Variants in LTBP3 observed in about 807,000 individuals in gnomAD.
LTBP3 encodes the protein latent transforming growth factor beta binding protein 3.
A neutral mutation model predicts 159.7 loss-of-function variants in LTBP3; 97 were observed. The ratio of observed to expected loss-of-function variants is 0.61; its 90% CI spans 0.52 to 0.72. LTBP3 has a LOEUF of 0.72. LTBP3 is among the 30% of genes least tolerant of loss of function. The pLI, the probability that LTBP3 is intolerant of heterozygous loss-of-function variation, is 0.00. For missense variants in LTBP3, 1,584 were observed against 1,864.3 expected, an observed-to-expected ratio of 0.85 and a Z score of 2.77; for synonymous variants, 824 against 777.1, an observed-to-expected ratio of 1.06 and a Z score of -1.00.
intron 18 of LTBP3, 101 bp from the exon 19 acceptor site, chr11:65,541,829 G>T: frequency 1.4e-6 from 2 of 1,396,960 alleles, no homozygotes; most frequent in Non-Finnish European, 2.0e-6. Flanking sequence ...TTCCACTTTG[G>T]TTTCAAAGTA....
chr11:65,554,068 C>T lies in LTBP3; in HGVS notation c.644G>A (p.Gly215Glu). ...CCTGGTACCTTCTGCTGAGATCTGTCCCGGGCCTAGGGGCACCAGGAAGGC... is the reference window on the plus strand; with the variant it reads ...CCTGGTACCTTCTGCTGAGATCTGTTCCGGGCCTAGGGGCACCAGGAAGGC... ...HAAFLVPLGP[G>E]QISAEVQAPP... is the part of the protein sequence containing the mutation. Residue 215 changes from glycine to glutamate, a missense_variant, in exon 2 of 28, where the codon GGA becomes GAA. Transcript: ENST00000301873. This position sits in a 1 kb window ranked among gnomAD's most constrained non-coding sequence, Gnocchi z 5.3. The T allele has an allele frequency of 5.6e-6, 9 of 1,604,578 alleles. No homozygotes were observed. Among genetic ancestry groups the T allele is most frequent in the Non-Finnish European group, 6.8e-6 (8 of 1,179,462 alleles).
chr11:65,550,818 G>C (rs1403839044), intron 11 of LTBP3, among the ~76,000 whole-genome samples: 2 of 152,010 alleles, frequency 1.3e-5, no homozygotes, highest in South Asian at 4.1e-4. Context: ...GCAAGACTCC[G>C]TCTCAAAAAA....
chr11:65,541,349 C>T, intron 19 of LTBP3, 56 bp from the exon 20 acceptor site: 1 of 1,585,100 alleles, frequency 6.3e-7, no homozygotes, highest in Non-Finnish European at 8.6e-7. Flanking sequence ...GCCCTGTCCA[C>T]CCTGCCCACC....
At position 65,540,026 on chromosome 11, in the gene LTBP3, G is replaced by A. The variant is rs891777322; in HGVS notation, c.3372C>T (p.Pro1124=). ...CCTCGCCCTCACCGGCCGGGCTCTC[G>A]GGGAGCTGGCAATCGCGGCCGGAGG... ...PGPSGRDCQL[P]ESPAERAPER... is the part of the protein sequence containing the mutation. The change falls in exon 24 of 28, where the codon CCC becomes CCT. Residue 1124 remains proline, a synonymous_variant. Transcript: ENST00000301873. The A allele has an allele frequency of 1.3e-5, 19 of 1,510,538 alleles. No individual in the cohort carries two copies. Among genetic ancestry groups the A allele is most frequent in the African/African-American group, 7.1e-5 (5 of 70,730 alleles). The allele number at this position is 1,510,538 out of a possible 1,614,324, so 93.6% of individuals were successfully genotyped here. A position where few individuals can be genotyped will look rare whatever the true frequency, so the allele number is the denominator to read the frequency against.
intron 1 of LTBP3, among the ~76,000 whole-genome samples, chr11:65,556,770 G>C (rs1286111688): frequency 6.6e-6 from 1 of 152,216 alleles, no homozygotes; most frequent in Non-Finnish European, 1.5e-5. Flanking sequence ...GAATGTGTAA[G>C]AGGGGCTGTT....
intron 21 of LTBP3, 49 bp from the exon 22 acceptor site, chr11:65,540,663 GAGGCGTGGGC>G: frequency 6.5e-7 from 1 of 1,547,462 alleles, no homozygotes; most frequent in Non-Finnish European, 8.7e-7. Context: ...CTGCAGCCCG[GAGGCGTGGGC>G]TGGGCGCACC....
rs746860727 is a variant in LTBP3, at chr11:65,552,819, A to G, written c.1186+41T>C. On this transcript the variant is annotated intron_variant, in intron 6 of 27. Transcript: ENST00000301873. The surrounding 1 kb of genome is among the most constrained non-coding windows in gnomAD (Gnocchi z 6.0). The stretch of plus-strand genomic sequence containing the variant: ...CGATCTCTGATCCTTGCTCCCACCC[A>G]TGCCTTGTGACCTCCCAGGAACCTG... The G allele has an allele frequency of 1.2e-5, 20 of 1,613,774 alleles. No individual in the cohort carries two copies. Among genetic ancestry groups the G allele is most frequent in the Admixed American group, 3.3e-5 (2 of 60,000 alleles).
At chr11:65,543,049 A>G in intron 18 of LTBP3, 56 bp downstream of exon 18, 2 of 1,609,338 alleles carry the variant, frequency 1.2e-6, no homozygotes, top group East Asian at 2.2e-5. Flanking sequence ...CAGTGTGTCT[A>G]GGGAATTACT....
rs934776751 is a variant in LTBP3, at chr11:65,554,507, A to G, written c.332-127T>C. 2 of 692,258 alleles carry G rather than the reference A, an allele frequency of 2.9e-6. No individual in the cohort carries two copies. Among genetic ancestry groups the G allele is most frequent in the Non-Finnish European group, 4.8e-6 (2 of 414,190 alleles). The allele number at this position is 692,258 out of a possible 1,614,324, so 42.9% of individuals were successfully genotyped here. On this transcript the variant is annotated intron_variant, in intron 1 of 27. Transcript: ENST00000301873. This position sits in a 1 kb window ranked among gnomAD's most constrained non-coding sequence, Gnocchi z 5.3. The stretch of plus-strand genomic sequence containing the variant: ...GTTTTGAGATACATCCTACATAGGG[A>G]AACTGCCCTCTCTAGGTTCCCCAAC...
At position 65,540,112 on chromosome 11, in the gene LTBP3, G is replaced by C. The variant is rs527555537; in HGVS notation, c.3286C>G (p.Arg1096Gly). ...CQDPAACRPG[R>G]CVNLPGSYRC... ...TAGGAGCCCGGCAGGTTGACGCAGC[G>C]GCCAGGGCGGCAGGCTGCCGGGTCC... Residue 1096 changes from arginine (R) to glycine (G), a missense_variant, in exon 24 of 28, where the codon CGC becomes GGC. Arg to Gly is a moderately radical substitution (Grantham distance 125, BLOSUM62 -2). Around this residue, in one of 6 missense-constraint regions of LTBP3, gnomAD observed 514 missense variants for 530.3 expected, o/e 0.97. Coordinates refer to ENST00000301873, the MANE Select transcript of LTBP3 (RefSeq NM_001130144.3). The C allele has an allele frequency of 9.0e-5, 138 of 1,526,518 alleles. No individual in the cohort carries two copies. In the African/African-American group the frequency reaches 1.6e-3, roughly 17 times the overall value. 94.6% of individuals were successfully genotyped at this position (1,526,518 alleles called of 1,614,324 possible). A position where few individuals can be genotyped will look rare whatever the true frequency, so the allele number is the denominator to read the frequency against.
intron 24 of LTBP3, 43 bp downstream of exon 24, chr11:65,539,970 G>A (rs915915394): frequency 1.4e-6 from 2 of 1,457,842 alleles, no homozygotes; most frequent in African/African-American, 1.5e-5. Flanking sequence ...GCCACGTGAC[G>A]GACAGGGCCC....
chr11:65,539,498 C>A (rs1286150622), intron 26 of LTBP3, 39 bp from the exon 27 acceptor site: 3 of 1,595,704 alleles, frequency 1.9e-6, no homozygotes. Flanking sequence ...AACACTGAGC[C>A]CCGGCCAAAG....
At chr11:65,542,884 G>A in intron 18 of LTBP3, 1 of 609,172 alleles carries the variant, frequency 1.6e-6, no homozygotes, top group East Asian at 3.1e-5. Flanking sequence ...CTGAGCAGAT[G>A]GATGGGTGGG....
Position 65,547,280 on chromosome 11 carries a change from G to C in LTBP3, c.2107+159C>G, listed in dbSNP as rs1856412616. On this transcript the variant is annotated intron_variant, in intron 14 of 27. Coordinates refer to ENST00000301873, the MANE Select transcript of LTBP3 (RefSeq NM_001130144.3). This position sits in a 1 kb window ranked among gnomAD's most constrained non-coding sequence, Gnocchi z 4.6. ...AATCGCTTGAACCCGGGAGGCGGAG[G>C]TTGCAGTGAGCCAAGATCTCACCAC... is the stretch of plus-strand genomic sequence containing the variant. Among the ~76,000 whole-genome samples, 1 of 151,896 alleles carries C rather than the reference G, an allele frequency of 6.6e-6. No individual in the cohort carries two copies. The highest frequency in any genetic ancestry group is 1.5e-5 in the Non-Finnish European group (1 of 67,952).
Position 65,546,686 on chromosome 11 carries a change from GC to G in LTBP3, c.2230+111del. On this transcript the variant is annotated intron_variant, in intron 15 of 27. Transcript: ENST00000301873. The surrounding 1 kb of genome is among the most constrained non-coding windows in gnomAD (Gnocchi z 4.0). ...AGAGGGCAGCCTCTACTCCCGGAAG[GC>G]CCCGCCCCCAGACGCCAATCACCAC... is the stretch of plus-strand genomic sequence containing the variant. 1 of 1,534,668 alleles carries G rather than the reference GC, an allele frequency of 6.5e-7. No homozygotes were observed. The highest frequency in any genetic ancestry group is 8.8e-7 in the Non-Finnish European group (1 of 1,141,808).
rs765178350 is a variant in LTBP3 at position 65,553,783 on chromosome 11, G to C, written c.782C>G (p.Pro261Arg). The change falls in exon 3 of 28, where the codon CCG (proline) becomes CGG (arginine). Residue 261 changes from proline (P) to arginine (R), a missense_variant. Pro to Arg is a moderately radical substitution (Grantham distance 103, BLOSUM62 -2). This residue lies in a region of LTBP3 where 194 missense variants were observed against 198.7 expected (regional missense o/e 0.98). Transcript: ENST00000301873. The surrounding 1 kb of genome is among the most constrained non-coding windows in gnomAD (Gnocchi z 6.5). ...CCGGGGGTGCGAGGGCTTGGGGTGC[G>C]GCAGCAGGTGCTGGGAGGGGGCTGC... ...ESAAPSQHLL[P>R]HPKPSHPRPP... 1.9e-6 allele frequency: 3 copies of C among 1,566,854 alleles called. No individual in the cohort carries two copies. Among genetic ancestry groups the C allele is most frequent in the African/African-American group, 2.7e-5 (2 of 74,310 alleles).
At chr11:65,548,777 A>G (rs1169295884) in intron 11 of LTBP3, 1 of 153,148 alleles carries the variant, frequency 6.5e-6, no homozygotes, top group African/African-American at 2.4e-5. Flanking sequence ...TCACCTGGCC[A>G]GTGGGCTTTG....
rs201489722 is a variant in LTBP3 at position 65,547,871 on chromosome 11, G to A, written c.1846+49C>T. 12 of 1,613,174 alleles carry A rather than the reference G, an allele frequency of 7.4e-6. No homozygotes were observed. In the African/African-American group the frequency reaches 1.1e-4, roughly 14 times the overall value. ...AAAGTCAAAGGAAGCGTCGTTATCTGGGGTCCCCCCCCACCCACCTGCATG... is the reference window on the plus strand; with the variant it reads ...AAAGTCAAAGGAAGCGTCGTTATCTAGGGTCCCCCCCCACCCACCTGCATG... On this transcript the variant is annotated intron_variant, in intron 12 of 27. Transcript: ENST00000301873. This position sits in a 1 kb window ranked among gnomAD's most constrained non-coding sequence, Gnocchi z 4.6.
rs1590773560 is a variant in LTBP3 at position 65,547,571 on chromosome 11, T to A, written c.1979-4A>T. 6.2e-7 allele frequency: 1 copy of A among 1,613,456 alleles called. No individual in the cohort carries two copies. The highest frequency in any genetic ancestry group is 2.2e-5 in the East Asian group (1 of 44,824). ...GGCTTGGCGCATTCGTTCAGGTCTG[T>A]GCGGGAGGAAGGGGCCACGAAGGGG... On this transcript the variant is annotated splice_region_variant and splice_polypyrimidine_tract_variant and intron_variant, in intron 13 of 27. Coordinates refer to ENST00000301873, the MANE Select transcript of LTBP3 (RefSeq NM_001130144.3). The surrounding 1 kb of genome is among the most constrained non-coding windows in gnomAD (Gnocchi z 4.6).
Sources: allele counts gnomAD v4.1 joint callset (sites outside exome capture counted in the v4.1 genomes callset), GRCh38; gene constraint gnomAD v4.1.1; regional missense constraint gnomAD v4.1.1; non-coding constraint Gnocchi (gnomAD v3.1); transcripts MANE v1.5; gene names NCBI Gene and HGNC (gene_info 2026-07-23, HGNC 2026-07-21).